The following RAB38 variants were observed in gnomAD, a reference collection of about 807,000 sequenced individuals.
The protein encoded by RAB38 is RAB38, member RAS oncogene family, also known as ras-related protein Rab-38.
Under a neutral mutation model 18.4 loss-of-function variants are expected in RAB38, and 15 were observed. The ratio of observed to expected loss-of-function variants is 0.82; its 90% CI spans 0.55 to 1.26. The LOEUF (loss-of-function observed/expected upper bound fraction) is 1.26. Ranked by LOEUF, RAB38 falls within the 50% of genes most tolerant of loss-of-function variation. The pLI is 0.00. For synonymous variants in RAB38, 101 were observed against 104.4 expected (o/e 0.97, Z 0.20); for missense variants, 294 against 267.4 (o/e 1.10, Z -0.69).
the RAB38 span, among the ~76,000 whole-genome samples, chr11:87,956,102 A>T: frequency 6.0e-5 from 7 of 115,792 alleles, no homozygotes; most frequent in African/African-American, 1.4e-4. Context: ...TTTAAAAACA[A>T]ACATACATAC....
the RAB38 span, among the ~76,000 whole-genome samples, chr11:87,867,402 G>A: frequency 1.3e-5 from 2 of 151,710 alleles, no homozygotes; most frequent in Non-Finnish European, 3.0e-5. Flanking sequence ...AGAATCCATT[G>A]TAATGGGAGA....
At chr11:87,952,680 A>G in the RAB38 span, among the ~76,000 whole-genome samples, 1 of 152,196 alleles carries the variant, frequency 6.6e-6, no homozygotes, top group African/African-American at 2.4e-5. Flanking sequence ...CATGGTCACT[A>G]TGTCCTGAGG....
chr11:88,169,474 T>C (rs982953315), intron 1 of RAB38, among the ~76,000 whole-genome samples: 4 of 152,160 alleles, frequency 2.6e-5, no homozygotes, highest in Admixed American at 2.6e-4. Context: ...AGGTGAGATA[T>C]TGTAGAGGAG....
chr11:87,920,813 A>T, the RAB38 span, among the ~76,000 whole-genome samples: 3 of 151,974 alleles, frequency 2.0e-5, no homozygotes, highest in African/African-American at 7.2e-5. Context: ...ATATTTTGGT[A>T]CTTCCATGTT....
chr11:87,940,622 A>G, the RAB38 span, among the ~76,000 whole-genome samples: 15 of 151,954 alleles, frequency 9.9e-5, no homozygotes, highest in Admixed American at 2.6e-4. Flanking sequence ...GTGTGTGTGT[A>G]TATATATGAC....
the RAB38 span, among the ~76,000 whole-genome samples, chr11:87,893,289 T>TGC: frequency 7.1e-6 from 1 of 140,342 alleles, no homozygotes; most frequent in Non-Finnish European, 1.6e-5. Context: ...CCAGATTTTG[T>TGC]GTGTGTGTGT....
the RAB38 span, among the ~76,000 whole-genome samples, chr11:87,890,729 C>A: frequency 5.9e-5 from 9 of 151,856 alleles, no homozygotes; most frequent in Non-Finnish European, 8.8e-5. Flanking sequence ...GCATAAGTTT[C>A]TCTTGTACTA....
chr11:88,095,698 A>G, the RAB38 span, among the ~76,000 whole-genome samples: 12 of 151,994 alleles, frequency 7.9e-5, no homozygotes, highest in African/African-American at 2.4e-4. Context: ...CTAGTATTAT[A>G]TATCATATGT....
intron 1 of RAB38, among the ~76,000 whole-genome samples, chr11:88,161,302 C>T (rs1943187352): frequency 6.6e-6 from 1 of 152,060 alleles, no homozygotes; most frequent in African/African-American, 2.4e-5. Context: ...TGAATTCCCT[C>T]CTCATCTCTA....
the RAB38 span, among the ~76,000 whole-genome samples, chr11:88,037,556 CT>C: frequency 6.6e-6 from 1 of 152,118 alleles, no homozygotes; most frequent in African/African-American, 2.4e-5. Context: ...CACAAAAACT[CT>C]TTTAGGCACA....
In RAB38 at chr11:88,159,068, G is replaced by GA. The variant is rs544668344; in HGVS notation, c.203-9114dup. On this transcript the variant is annotated intron_variant, in intron 1 of 2. Coordinates refer to ENST00000243662, the MANE Select transcript of RAB38 (RefSeq NM_022337.3). ...ACTTCAGTAAAATTTCAGGCTTCTA[G>GA]AACTGATAAATGACTTCAGTAAAAT... Among the ~76,000 whole-genome samples the GA allele has an allele frequency of 2.8e-4, 42 of 151,896 alleles. No individual in the cohort carries two copies. In the East Asian group the frequency reaches 7.9e-3, roughly 29 times the overall value.
In RAB38 at chr11:88,155,213, A is replaced by AC. The variant is rs1268071138; in HGVS notation, c.203-5259dup. Among the ~76,000 whole-genome samples, 11 of 152,282 alleles carry AC rather than the reference A, an allele frequency of 7.2e-5. No individual in the cohort carries two copies. In the East Asian group the frequency reaches 2.1e-3, roughly 29 times the overall value. On this transcript the variant is annotated intron_variant, in intron 1 of 2. Coordinates refer to ENST00000243662, the MANE Select transcript of RAB38 (RefSeq NM_022337.3). ...CCTGGTCTGGCCCCACCCATTGTGG[A>AC]CCCCAATCCCCTTGGCTAAGCAGGG...
At chr11:88,115,563 A>C (rs1002696756) in intron 2 of RAB38, 1 of 152,222 alleles carries the variant, frequency 6.6e-6, no homozygotes, top group African/African-American at 2.4e-5. Context: ...TAGCCTAATT[A>C]TTTATCTCCT....
At chr11:88,151,525 AATTT>A (rs1943063354) in intron 1 of RAB38, among the ~76,000 whole-genome samples, 1 of 152,190 alleles carries the variant, frequency 6.6e-6, no homozygotes, top group South Asian at 2.1e-4. Flanking sequence ...CTGATTTGGG[AATTT>A]ATTTATGTTA....
At chr11:88,004,813 A>G in the RAB38 span, among the ~76,000 whole-genome samples, 39 of 151,418 alleles carry the variant, frequency 2.6e-4, 1 homozygote. Context: ...GGGTTAATAT[A>G]TAAAAATCTA....
At chr11:88,030,813 G>A in the RAB38 span, among the ~76,000 whole-genome samples, 1 of 152,112 alleles carries the variant, frequency 6.6e-6, no homozygotes, top group African/African-American at 2.4e-5. Flanking sequence ...GGAGGAACTG[G>A]TACCATTCCT....
chr11:87,873,995 T>C, the RAB38 span, among the ~76,000 whole-genome samples: 1 of 147,882 alleles, frequency 6.8e-6, no homozygotes, highest in East Asian at 2.0e-4. Context: ...GACAGATATC[T>C]CAATCTGTGG....
At chr11:87,908,085 A>G in the RAB38 span, among the ~76,000 whole-genome samples, 9 of 152,086 alleles carry the variant, frequency 5.9e-5, no homozygotes, top group South Asian at 1.9e-3. Context: ...AGTCTCGGTC[A>G]TAAGACTTAA....
At chr11:87,977,105 T>C in the RAB38 span, among the ~76,000 whole-genome samples, 1 of 9,538 alleles carries the variant, frequency 1.0e-4, no homozygotes, top group African/African-American at 3.1e-4. Flanking sequence ...TATTATAAAA[T>C]ATAATTATAT....
Sources: allele counts gnomAD v4.1 joint callset (sites outside exome capture counted in the v4.1 genomes callset), GRCh38; gene constraint gnomAD v4.1.1; transcripts MANE v1.5; gene names NCBI Gene and HGNC (gene_info 2026-07-23, HGNC 2026-07-21).